The following PLD1 variants were observed in gnomAD, a reference collection of about 807,000 sequenced individuals.
PLD1 encodes phospholipase D1.
A neutral mutation model predicts 137.1 loss-of-function variants in PLD1; 112 were observed. That is an observed-to-expected ratio of 0.82 (90% confidence interval 0.70 to 0.96). PLD1 has a LOEUF of 0.96. Among genes scored for constraint, PLD1 ranks in the 40% least tolerant of loss-of-function variants. The pLI is 0.00. For synonymous variants in PLD1, 431 were observed against 454.7 expected (o/e 0.95, Z 0.66); for missense variants, 1,321 against 1,342.0 (o/e 0.98, Z 0.24).
At chr3:171,653,521 G>A (rs1736952188) in intron 21 of PLD1, 1 of 152,156 alleles carries the variant, frequency 6.6e-6, no homozygotes, top group Non-Finnish European at 1.5e-5. Context: ...GCCTAAACAA[G>A]TCACATGATG....
chr3:171,776,723 T>C (rs1173548342), intron 1 of PLD1, among the ~76,000 whole-genome samples: 1 of 152,232 alleles, frequency 6.6e-6, no homozygotes, highest in Non-Finnish European at 1.5e-5. Context: ...TATTTCATTT[T>C]ATTTTGTTTT....
chr3:171,658,127 A>G (rs1263791174), intron 21 of PLD1, among the ~76,000 whole-genome samples: 10 of 152,146 alleles, frequency 6.6e-5, no homozygotes, highest in African/African-American at 2.4e-4. Flanking sequence ...CTTAAATGGT[A>G]TTTCACACCT....
At chr3:171,609,542 ACACACACACAC>A (rs1182238222) in intron 25 of PLD1, among the ~76,000 whole-genome samples, 37 of 147,100 alleles carry the variant, frequency 2.5e-4, no homozygotes, top group African/African-American at 9.1e-4. Context: ...ACACACACAC[ACACACACACAC>A]ACCAGAGAAA....
chr3:171,654,359 T>C, intron 21 of PLD1: 1 of 281,532 alleles, frequency 3.6e-6, no homozygotes, highest in Non-Finnish European at 7.0e-6. Flanking sequence ...AATTGTTGTT[T>C]TAATGTAGTT....
At chr3:171,614,777 T>C (rs866427305) in intron 24 of PLD1, among the ~76,000 whole-genome samples, 5 of 152,220 alleles carry the variant, frequency 3.3e-5, no homozygotes, top group Non-Finnish European at 4.4e-5. Context: ...CACTGCTTTG[T>C]TTCGGGTCAG....
At chr3:171,649,868 C>A (rs1046732208) in intron 21 of PLD1, among the ~76,000 whole-genome samples, 1 of 152,146 alleles carries the variant, frequency 6.6e-6, no homozygotes, top group African/African-American at 2.4e-5. Context: ...TTGAGCCAGT[C>A]AATGGAATGA....
At chr3:171,699,370 A>T (rs920574728) in intron 12 of PLD1, among the ~76,000 whole-genome samples, 1 of 152,232 alleles carries the variant, frequency 6.6e-6, no homozygotes, top group Admixed American at 6.5e-5. Context: ...CATTCTCCAG[A>T]TGAGTTTTCC....
At chr3:171,796,984 C>A (rs1159252415) in intron 1 of PLD1, among the ~76,000 whole-genome samples, 1 of 152,164 alleles carries the variant, frequency 6.6e-6, no homozygotes, top group African/African-American at 2.4e-5. Context: ...TCTGATCATG[C>A]TTTTCCTTTG....
At chr3:171,731,949 C>G (rs4894755) in intron 6 of PLD1, among the ~76,000 whole-genome samples, 55,456 of 151,756 alleles carry the variant, frequency 0.37, 11,303 homozygotes, top group African/African-American at 0.53. Flanking sequence ...CTTTTTAAAT[C>G]TAAACATTCT....
rs1384735039 is a variant in PLD1 at position 171,639,633 on chromosome 3, AT to A, written c.2593+3206del. Among the ~76,000 whole-genome samples, 88 of 113,052 alleles carry A rather than the reference AT, an allele frequency of 7.8e-4. 3 individuals carry two copies. The East Asian group carries it at 0.016, about 21-fold the overall frequency. The allele number at this position is 113,052 out of a possible 152,430, so 74.2% of individuals were successfully genotyped here. ...ATATTATATATAATATATATTCTAT[AT>A]AATATATATTATATATAATATATAT... On this transcript the variant is annotated intron_variant, in intron 23 of 26. Coordinates refer to ENST00000351298, the MANE Select transcript of PLD1 (RefSeq NM_002662.5).
chr3:171,783,453 G>A (rs1301868085), intron 1 of PLD1, among the ~76,000 whole-genome samples: 1 of 152,058 alleles, frequency 6.6e-6, no homozygotes, highest in African/African-American at 2.4e-5. Context: ...GACTACACAG[G>A]GCATTAATGG....
At chr3:171,773,817 C>T (rs1290118023) in intron 1 of PLD1, among the ~76,000 whole-genome samples, 2 of 152,134 alleles carry the variant, frequency 1.3e-5, no homozygotes, top group Admixed American at 1.3e-4. Context: ...GGCGCTGTCT[C>T]GGCTCACTGC....
At chr3:171,637,500 T>G (rs1056108314) in intron 23 of PLD1, among the ~76,000 whole-genome samples, 1 of 152,276 alleles carries the variant, frequency 6.6e-6, no homozygotes, top group African/African-American at 2.4e-5. Flanking sequence ...CCCAAAGTGC[T>G]GGAATTACAG....
At position 171,620,765 on chromosome 3, in the gene PLD1, TA is replaced by T. The variant is rs1404101498; in HGVS notation, c.2594-246del. ...CTCTATATATATATATATATATATA[TA>T]TATTATATATATTTTTTTTTTAATT... On this transcript the variant is annotated intron_variant, in intron 23 of 26. Coordinates refer to ENST00000351298, the MANE Select transcript of PLD1 (RefSeq NM_002662.5). Among the ~76,000 whole-genome samples the T allele has an allele frequency of 1.9e-3, 247 of 127,102 alleles. 2 individuals are homozygous for T. The highest frequency in any genetic ancestry group is 9.0e-3 in the African/African-American group (231 of 25,662). 83.4% of individuals were successfully genotyped at this position (127,102 alleles called of 152,430 possible).
intron 1 of PLD1, among the ~76,000 whole-genome samples, chr3:171,770,969 C>T (rs1722313556): frequency 6.7e-6 from 1 of 150,306 alleles, no homozygotes; most frequent in Non-Finnish European, 1.5e-5. Flanking sequence ...AAATCCAACA[C>T]AGATACTAAT....
intron 16 of PLD1, among the ~76,000 whole-genome samples, chr3:171,678,433 C>A (rs1713609131): frequency 6.6e-6 from 1 of 152,194 alleles, no homozygotes; most frequent in South Asian, 2.1e-4. Flanking sequence ...GCAAAAGCAG[C>A]AATCTACTAT....
chr3:171,754,529 A>AT (rs1720881676), intron 1 of PLD1, among the ~76,000 whole-genome samples: 1 of 152,168 alleles, frequency 6.6e-6, no homozygotes, highest in Non-Finnish European at 1.5e-5. Context: ...CTGCCTTCAT[A>AT]TTCAGATGTA....
intron 12 of PLD1, among the ~76,000 whole-genome samples, chr3:171,693,580 C>T (rs1043463478): frequency 1.4e-4 from 22 of 152,026 alleles, no homozygotes; most frequent in African/African-American, 5.1e-4. Flanking sequence ...AGGCTTGAAT[C>T]CTCCTTATTT....
chr3:171,791,743 T>C (rs984181298), intron 1 of PLD1: 10 of 152,140 alleles, frequency 6.6e-5, no homozygotes, highest in African/African-American at 2.4e-4. Context: ...CCTGGGGCCA[T>C]TCATAATACT....
Sources: allele counts gnomAD v4.1 joint callset (sites outside exome capture counted in the v4.1 genomes callset), GRCh38; gene constraint gnomAD v4.1.1; transcripts MANE v1.5; gene names NCBI Gene and HGNC (gene_info 2026-07-23, HGNC 2026-07-21).